The following CTNNA3 variants were observed in gnomAD, a reference collection of about 807,000 sequenced individuals.
The protein encoded by CTNNA3 is catenin alpha-3.
A neutral mutation model predicts 95.7 loss-of-function variants in CTNNA3; 76 were observed. That is an observed-to-expected ratio of 0.79 (90% confidence interval 0.66 to 0.96). The LOEUF is 0.96. Among genes scored for constraint, CTNNA3 ranks in the 40% least tolerant of loss-of-function variants. The pLI is 0.00. For missense variants in CTNNA3, 1,191 were observed against 1,089.8 expected (o/e 1.09, Z -1.31); for synonymous variants, 431 against 374.4 (o/e 1.15, Z -1.74).
At chr10:67,274,680 T>A (rs1839118683) in intron 5 of CTNNA3, among the ~76,000 whole-genome samples, 1 of 151,884 alleles carries the variant, frequency 6.6e-6, no homozygotes, top group African/African-American at 2.4e-5. Flanking sequence ...TACAAAAAAA[T>A]TAGCTGAGCA....
chr10:66,163,701 C>A lies in CTNNA3; in HGVS notation c.1885-60452G>T, dbSNP rs2084972037. Among the ~76,000 whole-genome samples, 3 of 152,284 alleles carry A rather than the reference C, an allele frequency of 2.0e-5. No individual in the cohort carries two copies. In the South Asian group the frequency reaches 6.2e-4, roughly 32 times the overall value. ...TATTATTATATATAAGCTATATGCA[C>A]AAGGAGATTATATTTTTTGGCAGTG... On this transcript the variant is annotated intron_variant, in intron 13 of 17. Transcript: ENST00000433211.
chr10:66,398,862 C>G (rs1589193637), intron 11 of CTNNA3, among the ~76,000 whole-genome samples: 1 of 151,988 alleles, frequency 6.6e-6, no homozygotes, highest in Admixed American at 6.6e-5. Context: ...TGCACAAATT[C>G]AGTGTTATTA....
chr10:66,292,760 C>T (rs2091705821), intron 12 of CTNNA3, among the ~76,000 whole-genome samples: 1 of 152,138 alleles, frequency 6.6e-6, no homozygotes, highest in Admixed American at 6.5e-5. Flanking sequence ...ATTATTTCTA[C>T]CTCTGGAATT....
chr10:67,276,595 G>A (rs565827722), intron 5 of CTNNA3, among the ~76,000 whole-genome samples: 2 of 152,192 alleles, frequency 1.3e-5, no homozygotes, highest in South Asian at 4.1e-4. Flanking sequence ...GGGGCAATGT[G>A]TGATATATAA....
chr10:66,803,642 C>T (rs1363436413), intron 7 of CTNNA3, among the ~76,000 whole-genome samples: 1 of 152,154 alleles, frequency 6.6e-6, no homozygotes, highest in Admixed American at 6.6e-5. Flanking sequence ...AAGCACCTTG[C>T]ATAAATATCT....
intron 2 of CTNNA3, among the ~76,000 whole-genome samples, chr10:67,638,884 TA>T (rs1257782054): frequency 2.0e-5 from 3 of 152,160 alleles, no homozygotes; most frequent in Non-Finnish European, 4.4e-5. Context: ...TTTATAGCAC[TA>T]AATGCCCACA....
intron 11 of CTNNA3, among the ~76,000 whole-genome samples, chr10:66,498,246 A>T (rs2131956330): frequency 6.6e-6 from 1 of 152,246 alleles, no homozygotes; most frequent in Admixed American, 6.5e-5. Context: ...CCATTTTAAT[A>T]TTTATAGAGG....
chr10:67,629,529 G>A (rs924932499), intron 2 of CTNNA3, among the ~76,000 whole-genome samples: 1 of 152,170 alleles, frequency 6.6e-6, no homozygotes, highest in African/African-American at 2.4e-5. Flanking sequence ...AGAGAAAAGA[G>A]GTTTTATAGG....
intron 5 of CTNNA3, among the ~76,000 whole-genome samples, chr10:67,466,814 C>A (rs1847611748): frequency 6.6e-6 from 1 of 152,156 alleles, no homozygotes; most frequent in African/African-American, 2.4e-5. Flanking sequence ...CCCACTGATT[C>A]TTCATCATAA....
At chr10:66,211,946 A>T (rs1396424401) in intron 13 of CTNNA3, among the ~76,000 whole-genome samples, 1 of 150,792 alleles carries the variant, frequency 6.6e-6, no homozygotes, top group Non-Finnish European at 1.5e-5. Context: ...TGCATGTCTA[A>T]CATTTCCTTT....
intron 9 of CTNNA3, among the ~76,000 whole-genome samples, chr10:66,657,358 C>T (rs1477541556): frequency 3.9e-5 from 6 of 152,256 alleles, no homozygotes; most frequent in African/African-American, 1.4e-4. Flanking sequence ...TGTTCTTGCT[C>T]CTGTTCTTCA....
intron 14 of CTNNA3, among the ~76,000 whole-genome samples, chr10:66,077,159 A>T (rs1167870584): frequency 6.6e-6 from 1 of 151,778 alleles, no homozygotes; most frequent in Non-Finnish European, 1.5e-5. Context: ...ATATTTAGAT[A>T]TAAAATGCTA....
intron 11 of CTNNA3, among the ~76,000 whole-genome samples, chr10:66,449,556 T>A (rs1056332712): frequency 2.6e-5 from 4 of 152,152 alleles, no homozygotes; most frequent in Non-Finnish European, 5.9e-5. Flanking sequence ...GTTAGTAAAA[T>A]ATTTCAAATG....
rs149287173 is a variant in CTNNA3 at position 67,749,455 on chromosome 10, A to G, written c.-2+13979T>C. On this transcript the variant is annotated intron_variant, in intron 1 of 17. Transcript: ENST00000684154. ...AATGCAAAAGAACTGAAATCATAAC[A>G]AACAGTCTCTCAGACCATAGTGCAA... 3.4e-3 allele frequency among the ~76,000 whole-genome samples: 513 copies of G among 152,340 alleles called. 3 individuals carry two copies. Among genetic ancestry groups the G allele is most frequent in the Middle Eastern group, 0.02 (6 of 294 alleles).
intron 17 of CTNNA3, among the ~76,000 whole-genome samples, chr10:65,946,614 T>A (rs1249716381): frequency 6.6e-6 from 1 of 152,158 alleles, no homozygotes; most frequent in East Asian, 1.9e-4. Flanking sequence ...ACATTTTCTC[T>A]CTCCATCTAA....
At chr10:66,369,684 C>T (rs1450274877) in intron 12 of CTNNA3, among the ~76,000 whole-genome samples, 1 of 152,098 alleles carries the variant, frequency 6.6e-6, no homozygotes, top group Non-Finnish European at 1.5e-5. Context: ...TTGTAGATAA[C>T]ATTGTCATTT....
intron 5 of CTNNA3, among the ~76,000 whole-genome samples, chr10:67,417,137 T>C (rs912599317): frequency 6.6e-6 from 1 of 152,150 alleles, no homozygotes; most frequent in Non-Finnish European, 1.5e-5. Context: ...AAAATGTGAC[T>C]TTTGCAGCAA....
At chr10:67,514,799 G>C (rs1243235544) in intron 5 of CTNNA3, among the ~76,000 whole-genome samples, 1 of 146,926 alleles carries the variant, frequency 6.8e-6, no homozygotes, top group Non-Finnish European at 1.5e-5. Context: ...GAATTAACTT[G>C]TTTCAATAAA....
rs1209946278 is a variant in CTNNA3 at position 66,520,247 on chromosome 10, T to A, written c.1531+370A>T. 1.2e-4 allele frequency among the ~76,000 whole-genome samples: 5 copies of A among 42,336 alleles called. No individual in the cohort carries two copies. The African/African-American group carries it at 1.2e-3, about 10-fold the overall frequency. 27.8% of individuals were successfully genotyped at this position (42,336 alleles called of 152,430 possible). The stretch of plus-strand genomic sequence containing the variant: ...AATTAATCTTATTTAGTATTATTCT[T>A]TTTTTTTTTTTTTTTTTTTTTTGAG... On this transcript the variant is annotated intron_variant, in intron 11 of 17. Transcript: ENST00000433211.
Sources: allele counts gnomAD v4.1 joint callset (sites outside exome capture counted in the v4.1 genomes callset), GRCh38; gene constraint gnomAD v4.1.1; transcripts MANE v1.5; gene names NCBI Gene and HGNC (gene_info 2026-07-23, HGNC 2026-07-21).